Variants in AKAP7 observed in about 807,000 individuals in gnomAD.
AKAP7 encodes A kinase (PRKA) anchor protein 7.
In AKAP7, 39 loss-of-function variants were observed where a neutral mutation model predicts 39.5. That is an observed-to-expected ratio of 0.99 (90% CI 0.76 to 1.29). AKAP7 has a LOEUF of 1.29. AKAP7 is among the 50% of genes most tolerant of loss of function. The pLI, the probability that AKAP7 is intolerant of heterozygous loss-of-function variation, is 0.00. For missense variants in AKAP7, 414 were observed against 407.7 expected (o/e 1.02, Z -0.13); for synonymous variants, 140 against 139.1 (o/e 1.01, Z -0.05).
chr6:131,220,991 T>G (rs139659818), intron 7 of AKAP7, among the ~76,000 whole-genome samples: 4 of 152,056 alleles, frequency 2.6e-5, no homozygotes, highest in African/African-American at 9.7e-5. Flanking sequence ...AATGATACAT[T>G]GGAAGGACAT....
chr6:131,184,106 T>C (rs1418565023), intron 5 of AKAP7, among the ~76,000 whole-genome samples: 6 of 152,198 alleles, frequency 3.9e-5, no homozygotes, highest in Admixed American at 2.0e-4. Flanking sequence ...CAGGTATGCC[T>C]TGGGGCAGTG....
chr6:131,182,616 A>C (rs1467925400), intron 5 of AKAP7, among the ~76,000 whole-genome samples: 1 of 152,242 alleles, frequency 6.6e-6, no homozygotes, highest in African/African-American at 2.4e-5. Context: ...TGGATGTATA[A>C]ATATCTCTTC....
At chr6:131,191,746 G>T (rs925972508) in intron 5 of AKAP7, among the ~76,000 whole-genome samples, 5 of 152,086 alleles carry the variant, frequency 3.3e-5, no homozygotes, top group Non-Finnish European at 5.9e-5. Flanking sequence ...GCTCACTGGG[G>T]TGCTGGTACT....
intron 1 of AKAP7, among the ~76,000 whole-genome samples, chr6:131,136,386 G>C (rs754112295): frequency 6.6e-6 from 1 of 152,162 alleles, no homozygotes; most frequent in Non-Finnish European, 1.5e-5. Context: ...TTAGAGAAAA[G>C]GTGCTCCTCT....
intron 7 of AKAP7, among the ~76,000 whole-genome samples, chr6:131,280,781 C>A (rs2128340957): frequency 6.6e-6 from 1 of 152,198 alleles, no homozygotes; most frequent in South Asian, 2.1e-4. Context: ...AAATGTGTAG[C>A]ATGAGAATAG....
intron 1 of AKAP7, among the ~76,000 whole-genome samples, chr6:131,139,593 C>T (rs1181215997): frequency 2.0e-5 from 3 of 151,812 alleles, no homozygotes; most frequent in Non-Finnish European, 4.4e-5. Flanking sequence ...AGTGAGATAG[C>T]TGTATTGCAT....
chr6:131,154,468 GTTTT>G (rs58715551), intron 2 of AKAP7, among the ~76,000 whole-genome samples: 15 of 112,504 alleles, frequency 1.3e-4, no homozygotes, highest in African/African-American at 3.6e-4. Flanking sequence ...CCCTGTCCCT[GTTTT>G]TTTTTTTTTT....
rs542402728 is a variant in AKAP7, at chr6:131,220,261, T to C, written c.850+453T>C. ...GCCTGCAAAAATTGAAAACTTCACT[T>C]TCTTCCCTAAAAAAGATGTTTTGAG... On this transcript the variant is annotated intron_variant, in intron 7 of 7. Coordinates refer to ENST00000431975, the MANE Select transcript of AKAP7 (RefSeq NM_016377.4). Among the ~76,000 whole-genome samples the C allele has an allele frequency of 3.9e-5, 6 of 152,280 alleles. No individual in the cohort carries two copies. The East Asian group carries it at 9.6e-4, about 24-fold the overall frequency.
At chr6:131,246,666 AG>A (rs1331663640) in intron 7 of AKAP7, among the ~76,000 whole-genome samples, 3 of 152,182 alleles carry the variant, frequency 2.0e-5, no homozygotes, top group Admixed American at 6.5e-5. Context: ...CAACAGTGCT[AG>A]GCTCCAGCCC....
At chr6:131,261,438 A>G (rs920947158) in intron 7 of AKAP7, among the ~76,000 whole-genome samples, 1 of 152,148 alleles carries the variant, frequency 6.6e-6, no homozygotes, top group Non-Finnish European at 1.5e-5. Flanking sequence ...GTCTTTATAA[A>G]TAAAATTTTT....
chr6:131,136,438 G>A (rs1423376836), intron 1 of AKAP7, among the ~76,000 whole-genome samples: 1 of 152,156 alleles, frequency 6.6e-6, no homozygotes, highest in African/African-American at 2.4e-5. Flanking sequence ...AGTATAAAAA[G>A]CATAAAAACG....
intron 5 of AKAP7, among the ~76,000 whole-genome samples, chr6:131,191,233 A>G (rs556682397): frequency 5.9e-4 from 90 of 152,346 alleles, no homozygotes; most frequent in African/African-American, 2.0e-3. Flanking sequence ...TTTTTGACCC[A>G]TAAAAGTGAC....
At chr6:131,197,105 A>G (rs1807014616) in intron 5 of AKAP7, among the ~76,000 whole-genome samples, 1 of 151,956 alleles carries the variant, frequency 6.6e-6, no homozygotes, top group Non-Finnish European at 1.5e-5. Flanking sequence ...TGTAATAACC[A>G]TGTAAGTTCT....
At chr6:131,273,497 T>C (rs1376747830) in intron 7 of AKAP7, among the ~76,000 whole-genome samples, 1 of 152,226 alleles carries the variant, frequency 6.6e-6, no homozygotes, top group African/African-American at 2.4e-5. Context: ...TTTTTGTTTT[T>C]ACGTTAGTGG....
intron 2 of AKAP7, among the ~76,000 whole-genome samples, chr6:131,155,386 C>A (rs2128234748): frequency 6.6e-6 from 1 of 152,274 alleles, no homozygotes; most frequent in Admixed American, 6.5e-5. Flanking sequence ...TGCCTTTTTG[C>A]AACTTTAAGA....
intron 5 of AKAP7, among the ~76,000 whole-genome samples, chr6:131,170,170 A>G: frequency 8.1e-6 from 1 of 123,458 alleles, no homozygotes; most frequent in Non-Finnish European, 1.7e-5. Flanking sequence ...GGGGGGAGGG[A>G]TAGCATTGGG....
chr6:131,158,933 G>A (rs1184598686), intron 2 of AKAP7, among the ~76,000 whole-genome samples: 1 of 151,286 alleles, frequency 6.6e-6, no homozygotes, highest in African/African-American at 2.4e-5. Context: ...AAAAAAAGAT[G>A]ATGGCATTTC....
chr6:131,226,644 C>T (rs1810191589), intron 7 of AKAP7, among the ~76,000 whole-genome samples: 1 of 152,144 alleles, frequency 6.6e-6, no homozygotes, highest in Admixed American at 6.6e-5. Context: ...ATGTAAATGA[C>T]TAAATGACAC....
At chr6:131,165,660 A>G (rs973301609) in intron 4 of AKAP7, among the ~76,000 whole-genome samples, 1 of 152,194 alleles carries the variant, frequency 6.6e-6, no homozygotes, top group Non-Finnish European at 1.5e-5. Context: ...ATTATTAGCT[A>G]TAAGAGCTGC....
Sources: gnomAD v4.1 joint callset for allele counts (sites outside exome capture counted in the v4.1 genomes callset) on GRCh38, gnomAD v4.1.1 for gene constraint, MANE v1.5 for transcripts, NCBI Gene and HGNC (gene_info 2026-07-23, HGNC 2026-07-21) for gene names.